CARF: variants seen among roughly 807,000 people sequenced by gnomAD.
CARF encodes the protein calcium responsive transcription factor.
A neutral mutation model predicts 82.0 loss-of-function variants in CARF; 57 were observed. The observed-to-expected ratio is 0.70, with a 90% CI of 0.56 to 0.87. The LOEUF (loss-of-function observed/expected upper bound fraction) is 0.87. Ranked by LOEUF, CARF falls within the 40% of genes least tolerant of loss-of-function variation. The pLI, the probability that CARF is intolerant of heterozygous loss-of-function variation, is 0.00. For synonymous variants in CARF, 268 were observed against 290.1 expected (o/e 0.92, Z 0.77); for missense variants, 771 against 855.8 (o/e 0.90, Z 1.24).
chr2:202,944,878 GTTTA>G (rs923928103), intron 5 of CARF, among the ~76,000 whole-genome samples: 31 of 151,344 alleles, frequency 2.0e-4, no homozygotes, highest in Non-Finnish European at 3.7e-4. Flanking sequence ...GAGCAAAATT[GTTTA>G]TTTGAGTCCA....
intron 9 of CARF, among the ~76,000 whole-genome samples, chr2:202,964,457 T>A (rs2059456333): frequency 6.6e-6 from 1 of 152,058 alleles, no homozygotes; most frequent in Non-Finnish European, 1.5e-5. Flanking sequence ...TTTTTGTATT[T>A]TTTTGGAGAG....
rs1201697904 is a variant in CARF at position 202,966,967 on chromosome 2, T to C, written c.833-11T>C. 4.3e-6 allele frequency: 7 copies of C among 1,611,892 alleles called. No homozygotes were observed. Among genetic ancestry groups the C allele is most frequent in the Non-Finnish European group, 5.9e-6 (7 of 1,179,334 alleles). On this transcript the variant is annotated splice_polypyrimidine_tract_variant and intron_variant, in intron 9 of 16. Coordinates refer to ENST00000438828, the MANE Select transcript of CARF (RefSeq NM_024744.17). ...CTTGAATTAATATCAATAGTTGGTT[T>C]TGGCCCACAGGGAGTAGAGCTGTGG...
At chr2:202,961,759 A>G (rs552267139) in intron 9 of CARF, 1 of 359,554 alleles carries the variant, frequency 2.8e-6, no homozygotes, top group South Asian at 5.8e-5. Context: ...TCCCCTTCAG[A>G]TTAAATATTT....
At position 202,941,930 on chromosome 2, in the gene CARF, G is replaced by T. The variant is rs775732255; in HGVS notation, c.28G>T (p.Val10Phe). 18 of 1,613,228 alleles carry T rather than the reference G, an allele frequency of 1.1e-5. No individual in the cohort carries two copies. The highest frequency in any genetic ancestry group is 3.3e-5 in the South Asian group (3 of 91,060). MEQSNDSLR[V>F]NHNDGEESKT... The stretch of plus-strand genomic sequence containing the variant: ...GGAACAATCTAATGATTCATTAAGA[G>T]TCAACCATAATGACGGTGAAGAGTC... The change falls in exon 4 of 17, where the codon GTC becomes TTC. Residue 10 changes from valine (V) to phenylalanine (F), a missense_variant. Transcript: ENST00000438828.
intron 10 of CARF, among the ~76,000 whole-genome samples, chr2:202,968,144 C>T (rs138556413): frequency 0.025 from 3,822 of 152,224 alleles, 81 homozygotes; most frequent in Non-Finnish European, 0.037. Flanking sequence ...TGGCTAACGC[C>T]TGTAATCCCA....
chr2:202,953,990 G>T lies in CARF; in HGVS notation c.428-15G>T, dbSNP rs765295507. 6.3e-7 allele frequency: 1 copy of T among 1,588,842 alleles called. No homozygotes were observed. Among genetic ancestry groups the T allele is most frequent in the Admixed American group, 1.8e-5 (1 of 54,768 alleles). On this transcript the variant is annotated splice_polypyrimidine_tract_variant and intron_variant, in intron 6 of 16. Coordinates refer to ENST00000438828, the MANE Select transcript of CARF (RefSeq NM_024744.17). ...AAGATATTGATGTTACTTTGTTCTT[G>T]TTTTTGTTGTTAAGATGTCCCTGAA... is the stretch of plus-strand genomic sequence containing the variant.
At chr2:202,926,396 A>G (rs576758486) in intron 3 of CARF, among the ~76,000 whole-genome samples, 2 of 152,354 alleles carry the variant, frequency 1.3e-5, no homozygotes, top group African/African-American at 4.8e-5. Context: ...CCAAAGAAAA[A>G]AGCAATTGGC....
chr2:202,958,249 A>ATGTG (rs71034206), intron 8 of CARF, among the ~76,000 whole-genome samples: 1,958 of 139,974 alleles, frequency 0.014, 24 homozygotes, highest in Middle Eastern at 0.041. Flanking sequence ...ATATACATAT[A>ATGTG]TGTGTGTGTG....
At chr2:202,943,784 GT>G (rs1205193920) in intron 5 of CARF, among the ~76,000 whole-genome samples, 1 of 151,614 alleles carries the variant, frequency 6.6e-6, no homozygotes. Context: ...AGTAGCTGGG[GT>G]TACAGGCACC....
chr2:202,961,827 G>C (rs979679802), intron 9 of CARF: 1 of 251,836 alleles, frequency 4.0e-6, no homozygotes, highest in Non-Finnish European at 7.5e-6. Context: ...TATGTAGCTT[G>C]TAACTCTGGA....
intron 7 of CARF, 103 bp downstream of exon 7, chr2:202,954,237 T>C: frequency 7.8e-7 from 1 of 1,280,652 alleles, no homozygotes. Flanking sequence ...AATCAGAAGA[T>C]AGAAGGAACT....
intron 13 of CARF, among the ~76,000 whole-genome samples, chr2:202,975,773 G>A (rs1559278059): frequency 1.3e-5 from 2 of 152,138 alleles, no homozygotes; most frequent in Non-Finnish European, 1.5e-5. Context: ...GGCTGGGCGC[G>A]TTGGCTCATG....
At chr2:202,922,145 T>A (rs1485413301) in intron 2 of CARF, among the ~76,000 whole-genome samples, 1 of 152,074 alleles carries the variant, frequency 6.6e-6, no homozygotes, top group Non-Finnish European at 1.5e-5. Flanking sequence ...AAGAAATTTT[T>A]AATCTTTTGA....
chr2:202,941,797 A>G, intron 3 of CARF, 63 bp from the exon 4 acceptor site: 1 of 764,100 alleles, frequency 1.3e-6, no homozygotes, highest in Non-Finnish European at 2.2e-6. Flanking sequence ...AGATTTGTTT[A>G]AGATAAAACA....
intron 12 of CARF, chr2:202,973,543 G>A (rs556884515): frequency 2.3e-4 from 88 of 385,288 alleles, no homozygotes; most frequent in African/African-American, 1.7e-3. Context: ...TGATGTTTAC[G>A]CACATAACCT....
intron 3 of CARF, among the ~76,000 whole-genome samples, chr2:202,933,848 TTTTCTTTTCTTTCC>T (rs1026652914): frequency 3.9e-5 from 5 of 129,754 alleles, no homozygotes; most frequent in African/African-American, 1.0e-4. Flanking sequence ...CACAGTCTGC[TTTTCTTTTCTTTCC>T]TTTCTTTTCT....
chr2:202,950,194 G>A (rs1360179222), intron 5 of CARF, among the ~76,000 whole-genome samples: 1 of 152,086 alleles, frequency 6.6e-6, no homozygotes, highest in Non-Finnish European at 1.5e-5. Context: ...TAGGTACCAG[G>A]GGGACTTAGC....
chr2:202,949,073 C>T (rs768931033), intron 5 of CARF, among the ~76,000 whole-genome samples: 13 of 152,050 alleles, frequency 8.5e-5, no homozygotes, highest in Non-Finnish European at 1.6e-4. Flanking sequence ...TGGTGGCTTA[C>T]GCCTGTAATC....
chr2:202,986,535 A>C lies in CARF; in HGVS notation c.*2911A>C, dbSNP rs1337141758. 6.6e-6 allele frequency: 1 copy of C among 152,096 alleles called. No individual in the cohort carries two copies. Among genetic ancestry groups the C allele is most frequent in the East Asian group, 1.9e-4 (1 of 5,196 alleles). 9.4% of individuals were successfully genotyped at this position (152,096 alleles called of 1,614,324 possible). A position where few individuals can be genotyped will look rare whatever the true frequency, so the allele number is the denominator to read the frequency against. On this transcript the variant is annotated 3_prime_UTR_variant, in exon 17 of 17. Coordinates refer to ENST00000438828, the MANE Select transcript of CARF (RefSeq NM_024744.17). ...TTTCCACATTTCCAACTTCCAAGTG[A>C]ACTTTATATATACTACAGTGAATTA...
Sources: gnomAD v4.1 joint callset for allele counts (sites outside exome capture counted in the v4.1 genomes callset) on GRCh38, gnomAD v4.1.1 for gene constraint, MANE v1.5 for transcripts, NCBI Gene and HGNC (gene_info 2026-07-23, HGNC 2026-07-21) for gene names.